The following ATP8B4 variants were observed in gnomAD, a reference collection of about 807,000 sequenced individuals.
ATP8B4 encodes ATPase phospholipid transporting 8B4 (putative), also known as probable phospholipid-transporting ATPase IM.
ATP8B4 carries 133 observed loss-of-function variants against 145.6 expected under a neutral mutation model. The observed-to-expected ratio is 0.91, with a 90% CI of 0.79 to 1.05. The LOEUF (loss-of-function observed/expected upper bound fraction) is 1.05. Ranked by LOEUF, ATP8B4 falls within the 50% of genes least tolerant of loss-of-function variation. The pLI is 0.00. For synonymous variants in ATP8B4, 507 were observed against 492.9 expected (o/e 1.03, Z -0.38); for missense variants, 1,458 against 1,425.2 (o/e 1.02, Z -0.37).
chr15:50,065,374 T>C (rs959563178), intron 3 of ATP8B4, among the ~76,000 whole-genome samples: 2 of 152,138 alleles, frequency 1.3e-5, no homozygotes, highest in African/African-American at 4.8e-5. Context: ...TAAAACATGA[T>C]TGTTACCATC....
intron 15 of ATP8B4, among the ~76,000 whole-genome samples, chr15:49,932,557 G>A (rs910318187): frequency 6.6e-6 from 1 of 151,978 alleles, no homozygotes; most frequent in South Asian, 2.1e-4. Flanking sequence ...AACTATAAAA[G>A]CATTTTAATA....
intron 7 of ATP8B4, among the ~76,000 whole-genome samples, chr15:50,006,112 T>TCCAATAAATG (rs2048279774): frequency 6.6e-6 from 1 of 152,156 alleles, no homozygotes; most frequent in South Asian, 2.1e-4. Flanking sequence ...AATTTAAATT[T>TCCAATAAATG]CAGGTCCAAT....
intron 1 of ATP8B4, among the ~76,000 whole-genome samples, chr15:50,117,921 T>A (rs2057202071): frequency 6.6e-6 from 1 of 152,096 alleles, no homozygotes; most frequent in Non-Finnish European, 1.5e-5. Context: ...ATATCACATA[T>A]CCTCTGTCAT....
chr15:49,953,256 T>G (rs1004088714), intron 14 of ATP8B4, among the ~76,000 whole-genome samples: 12 of 152,262 alleles, frequency 7.9e-5, no homozygotes, highest in Middle Eastern at 3.4e-3. Context: ...TGTGTTTCAC[T>G]GGGTGGAAAC....
chr15:50,075,074 A>G (rs1008807187), intron 2 of ATP8B4, among the ~76,000 whole-genome samples: 11 of 152,254 alleles, frequency 7.2e-5, no homozygotes, highest in South Asian at 2.1e-4. Flanking sequence ...TAATTCTCCA[A>G]CTGGGTAGGT....
chr15:50,172,239 C>G lies in ATP8B4; in HGVS notation c.-43+10022G>C, dbSNP rs377634096. ...CGCCATCTCCGCTCACTGCAACCTCCCTGCCTGATTCTCCTGCCTCAGCCT... is the reference window on the plus strand; with the variant it reads ...CGCCATCTCCGCTCACTGCAACCTCGCTGCCTGATTCTCCTGCCTCAGCCT... On this transcript the variant is annotated intron_variant, in intron 1 of 3. Transcript: ENST00000558829. 3.3e-5 allele frequency among the ~76,000 whole-genome samples: 5 copies of G among 152,342 alleles called. No homozygotes were observed. The East Asian group carries it at 7.7e-4, about 24-fold the overall frequency.
At chr15:50,061,604 A>T (rs1002332342) in intron 3 of ATP8B4, among the ~76,000 whole-genome samples, 7 of 152,224 alleles carry the variant, frequency 4.6e-5, no homozygotes, top group Non-Finnish European at 8.8e-5. Flanking sequence ...TATTTAAAGC[A>T]TTCAATTCCA....
chr15:50,018,887 A>T (rs181411852), intron 6 of ATP8B4: 3 of 1,206,258 alleles, frequency 2.5e-6, no homozygotes, highest in Non-Finnish European at 1.1e-6. Context: ...TATGTCACTT[A>T]CATTTTTCTC....
chr15:50,141,617 T>C (rs887354394), intron 1 of ATP8B4, among the ~76,000 whole-genome samples: 5 of 152,136 alleles, frequency 3.3e-5, no homozygotes, highest in African/African-American at 1.2e-4. Flanking sequence ...AAACAGGTGA[T>C]TTATACACAC....
intron 13 of ATP8B4, among the ~76,000 whole-genome samples, chr15:49,963,839 A>G (rs566783803): frequency 1.3e-5 from 2 of 152,148 alleles, no homozygotes; most frequent in East Asian, 3.9e-4. Context: ...CTAGGAAACC[A>G]CCATGGCACA....
intron 26 of ATP8B4, among the ~76,000 whole-genome samples, chr15:49,862,734 C>T (rs1298938846): frequency 3.3e-5 from 5 of 152,036 alleles, no homozygotes; most frequent in African/African-American, 9.7e-5. Context: ...GGATTACAGG[C>T]GTGAGCCACC....
intron 16 of ATP8B4, among the ~76,000 whole-genome samples, chr15:49,928,689 G>T (rs2040961618): frequency 1.3e-5 from 2 of 152,012 alleles, no homozygotes; most frequent in Non-Finnish European, 2.9e-5. Context: ...CTTAACTAAG[G>T]CAGGGTACTG....
At chr15:50,101,270 T>C (rs1600384537) in intron 2 of ATP8B4, among the ~76,000 whole-genome samples, 1 of 152,124 alleles carries the variant, frequency 6.6e-6, no homozygotes, top group Non-Finnish European at 1.5e-5. Flanking sequence ...AGAATGTCCT[T>C]GTTCTTAGGG....
rs1388943066 is a variant in ATP8B4 at position 49,897,033 on chromosome 15, A to G, written c.2697+259T>C. ...TACCAAAAACATTTCAACAAAAACT[A>G]AAGTATGCATGGAAGGAGTACTCAC... On this transcript the variant is annotated intron_variant, in intron 23 of 27. Coordinates refer to ENST00000284509, the MANE Select transcript of ATP8B4 (RefSeq NM_024837.4). 2.2e-5 allele frequency: 8 copies of G among 370,228 alleles called. 1 individual carries two copies. The Middle Eastern group carries it at 5.3e-3, about 245-fold the overall frequency. 22.9% of individuals were successfully genotyped at this position (370,228 alleles called of 1,614,324 possible).
At chr15:50,079,289 A>G (rs893425432) in intron 2 of ATP8B4, among the ~76,000 whole-genome samples, 15 of 152,210 alleles carry the variant, frequency 9.9e-5, no homozygotes, top group Non-Finnish European at 1.3e-4. Flanking sequence ...TAAATGTTTA[A>G]AGTACAGTAG....
At chr15:49,906,101 T>C (rs1274984421) in intron 20 of ATP8B4, among the ~76,000 whole-genome samples, 1 of 152,206 alleles carries the variant, frequency 6.6e-6, no homozygotes, top group Non-Finnish European at 1.5e-5. Context: ...TCACTTTGAA[T>C]GACTGAAGAG....
At chr15:49,894,457 AG>A (rs1386040102) in intron 23 of ATP8B4, among the ~76,000 whole-genome samples, 1 of 152,216 alleles carries the variant, frequency 6.6e-6, no homozygotes, top group Non-Finnish European at 1.5e-5. Context: ...GCGTAAAAAA[AG>A]GTATCCTGCC....
intron 7 of ATP8B4, 32 bp from the exon 8 acceptor site, chr15:50,002,255 T>G: frequency 1.3e-6 from 2 of 1,553,664 alleles, no homozygotes; most frequent in South Asian, 2.3e-5. Context: ...AAAGAATACT[T>G]GAGAAGTTAG....
rs1247875601 is a variant in ATP8B4 at position 50,153,546 on chromosome 15, C to T, written c.-43+28715G>A. On this transcript the variant is annotated intron_variant, in intron 1 of 3. Coordinates refer to the ATP8B4 transcript ENST00000558829. ...TAGAGACGGGGTTTCACCGTGTTAGCCAGGATAGTCTCGATCTCCTGACCT... is the reference window on the plus strand; with the variant it reads ...TAGAGACGGGGTTTCACCGTGTTAGTCAGGATAGTCTCGATCTCCTGACCT... Among the ~76,000 whole-genome samples the T allele has an allele frequency of 2.0e-5, 3 of 152,076 alleles. No homozygotes were observed. The East Asian group carries it at 5.8e-4, about 29-fold the overall frequency.
Sources: gnomAD v4.1 joint callset for allele counts (sites outside exome capture counted in the v4.1 genomes callset) on GRCh38, gnomAD v4.1.1 for gene constraint, MANE v1.5 for transcripts, NCBI Gene and HGNC (gene_info 2026-07-23, HGNC 2026-07-21) for gene names.